Variants in LINGO2 observed in about 807,000 individuals in gnomAD.
LINGO2 encodes the protein leucine-rich repeat and immunoglobulin-like domain-containing nogo receptor-interacting protein 2.
LINGO2 carries 14 observed loss-of-function variants against 30.6 expected under a neutral mutation model. That is an observed-to-expected ratio of 0.46 (90% confidence interval 0.30 to 0.72). The LOEUF (loss-of-function observed/expected upper bound fraction) is 0.72. Ranked by LOEUF, LINGO2 falls within the 30% of genes least tolerant of loss-of-function variation. The probability of loss-of-function intolerance (pLI) is 0.07; values close to 1 mark genes in which losing one functional copy is unlikely to be tolerated. For synonymous variants in LINGO2, 317 were observed against 288.5 expected (o/e 1.10, Z -1.00); for missense variants, 729 against 751.7 (o/e 0.97, Z 0.35).
At chr9:28,433,949 C>CTATATATATATATATATATATATATA (rs375073572) in intron 2 of LINGO2, among the ~76,000 whole-genome samples, 14 of 88,522 alleles carry the variant, frequency 1.6e-4, no homozygotes, top group African/African-American at 5.8e-4. Context: ...CTCTCTCTCT[C>CTATATATATATATATATATATATATA]TATATATATA....
chr9:28,697,621 T>G, the LINGO2 span, among the ~76,000 whole-genome samples: 2 of 151,912 alleles, frequency 1.3e-5, no homozygotes, highest in Non-Finnish European at 2.9e-5. Context: ...GAAATATATT[T>G]GTCCATATTT....
chr9:29,190,927 A>C, the LINGO2 span, among the ~76,000 whole-genome samples: 1 of 152,222 alleles, frequency 6.6e-6, no homozygotes, highest in East Asian at 1.9e-4. Flanking sequence ...AGACCAAATG[A>C]AGAACAGATC....
At chr9:29,008,379 A>G in the LINGO2 span, among the ~76,000 whole-genome samples, 1 of 152,180 alleles carries the variant, frequency 6.6e-6, no homozygotes. Flanking sequence ...TAGTGCCACA[A>G]AAAACATACA....
At chr9:28,241,558 G>T (rs1384649757) in intron 4 of LINGO2, among the ~76,000 whole-genome samples, 1 of 152,094 alleles carries the variant, frequency 6.6e-6, no homozygotes, top group Non-Finnish European at 1.5e-5. Context: ...GTGCTCTGAG[G>T]AATCTGGACA....
At chr9:28,716,407 A>G in the LINGO2 span, among the ~76,000 whole-genome samples, 14 of 152,190 alleles carry the variant, frequency 9.2e-5, no homozygotes, top group South Asian at 8.3e-4. Context: ...AGTAAATCTT[A>G]TGACAAGGGG....
intron 4 of LINGO2, among the ~76,000 whole-genome samples, chr9:28,252,918 C>G (rs905461768): frequency 6.6e-6 from 1 of 151,842 alleles, no homozygotes; most frequent in Admixed American, 6.6e-5. Context: ...CTTTAATGGA[C>G]AGTCTCAATT....
chr9:28,149,908 G>A (rs139869673), intron 4 of LINGO2, among the ~76,000 whole-genome samples: 10,149 of 150,688 alleles, frequency 0.067, 415 homozygotes, highest in Middle Eastern at 0.11. Context: ...CCTATGCCTC[G>A]CCGCCGTCCT....
At chr9:28,057,630 C>CATATATGTATATAA (rs1287192981) in intron 4 of LINGO2, among the ~76,000 whole-genome samples, 1 of 130,306 alleles carries the variant, frequency 7.7e-6, no homozygotes, top group African/African-American at 2.8e-5. Context: ...TATATATACA[C>CATATATGTATATAA]ACATATATAA....
At position 28,097,377 on chromosome 9, in the gene LINGO2, C is replaced by A. The variant is rs542517637; in HGVS notation, c.-86-84972G>T. ...TACAAATCATGCTGCTATAAAGACACATGCACACGTATGTTTATTGCGGCA... is the reference window on the plus strand; with the variant it reads ...TACAAATCATGCTGCTATAAAGACAAATGCACACGTATGTTTATTGCGGCA... On this transcript the variant is annotated intron_variant, in intron 4 of 5. Transcript: ENST00000379992. Among the ~76,000 whole-genome samples the A allele has an allele frequency of 6.7e-3, 1,012 of 150,080 alleles. 20 individuals are homozygous for A. Among genetic ancestry groups the A allele is most frequent in the African/African-American group, 0.023 (944 of 40,602 alleles).
intron 4 of LINGO2, among the ~76,000 whole-genome samples, chr9:28,139,838 T>C (rs536802938): frequency 1.8e-4 from 28 of 152,248 alleles, no homozygotes; most frequent in South Asian, 8.3e-4. Context: ...ATTAAGGTAA[T>C]TCAGAAGCAT....
rs566572460 is a variant in LINGO2 at position 28,544,871 on chromosome 9, T to C, written c.-364-68846A>G. On this transcript the variant is annotated intron_variant, in intron 1 of 5. Transcript: ENST00000379992. Reference sequence around the variant, plus strand: ...ATTCCATGGGTCTCTTGTTTTTGAATTGGGGGAACTTAAACGGTCATCTAA... The same window carrying C: ...ATTCCATGGGTCTCTTGTTTTTGAACTGGGGGAACTTAAACGGTCATCTAA... 9.9e-4 allele frequency among the ~76,000 whole-genome samples: 149 copies of C among 151,166 alleles called. 1 individual carries two copies. Among genetic ancestry groups the C allele is most frequent in the African/African-American group, 3.4e-3 (142 of 41,392 alleles).
At position 28,122,358 on chromosome 9, in the gene LINGO2, G is replaced by A. The variant is rs184124303; in HGVS notation, c.-86-109953C>T. ...AATAGGGCTATGTATATAAACACAC[G>A]GATTAGAAGAAGGAAAATAACAAGT... On this transcript the variant is annotated intron_variant, in intron 4 of 5. Transcript: ENST00000379992. Among the ~76,000 whole-genome samples, 569 of 152,126 alleles carry A rather than the reference G, an allele frequency of 3.7e-3. 8 individuals are homozygous for A. The highest frequency in any genetic ancestry group is 0.013 in the African/African-American group (543 of 41,500).
intron 1 of LINGO2, among the ~76,000 whole-genome samples, chr9:28,589,213 T>C (rs1188567112): frequency 6.6e-6 from 1 of 152,094 alleles, no homozygotes; most frequent in Non-Finnish European, 1.5e-5. Context: ...GGACAAAAAC[T>C]GGAAGCATTC....
chr9:27,971,101 A>G (rs1563867912), intron 5 of LINGO2, among the ~76,000 whole-genome samples: 1 of 152,060 alleles, frequency 6.6e-6, no homozygotes, highest in Non-Finnish European at 1.5e-5. Flanking sequence ...TATTTAAAAT[A>G]GCAAAGTCAA....
chr9:28,024,783 T>C (rs1352499548), intron 4 of LINGO2, among the ~76,000 whole-genome samples: 1 of 152,072 alleles, frequency 6.6e-6, no homozygotes, highest in Admixed American at 6.5e-5. Context: ...TTCTGAAGAG[T>C]AGGCTTGTGC....
the LINGO2 span, among the ~76,000 whole-genome samples, chr9:28,771,461 G>A: frequency 8.7e-5 from 5 of 57,218 alleles, no homozygotes; most frequent in Admixed American, 3.5e-4. Context: ...TGGTGTGTGT[G>A]TGTGTGTGTG....
chr9:28,707,075 C>A, the LINGO2 span, among the ~76,000 whole-genome samples: 7,679 of 152,138 alleles, frequency 0.05, 378 homozygotes, highest in Admixed American at 0.17. Context: ...TGAATTCATA[C>A]AGTGTGATGA....
intron 2 of LINGO2, among the ~76,000 whole-genome samples, chr9:28,414,963 ATATC>A (rs1822910467): frequency 6.6e-6 from 1 of 152,136 alleles, no homozygotes; most frequent in South Asian, 2.1e-4. Flanking sequence ...AACATATAGT[ATATC>A]TAAGCAGTAA....
At chr9:28,665,778 C>T (rs1828776324) in intron 1 of LINGO2, among the ~76,000 whole-genome samples, 1 of 151,812 alleles carries the variant, frequency 6.6e-6, no homozygotes, top group Non-Finnish European at 1.5e-5. Context: ...ATCATTCAGG[C>T]AATCATTCCT....
Sources: allele counts gnomAD v4.1 joint callset (sites outside exome capture counted in the v4.1 genomes callset), GRCh38; gene constraint gnomAD v4.1.1; transcripts MANE v1.5; gene names NCBI Gene and HGNC (gene_info 2026-07-23, HGNC 2026-07-21).